Variants in ERICH1 observed in about 807,000 individuals in gnomAD.
ERICH1 encodes glutamate rich 1.
ERICH1 carries 56 observed loss-of-function variants against 39.6 expected under a neutral mutation model. That is an observed-to-expected ratio of 1.41 (90% CI 1.14 to 1.77). The LOEUF (loss-of-function observed/expected upper bound fraction) is 1.77, where lower values mean the gene tolerates loss of function less well. Among genes scored for constraint, ERICH1 ranks in the 40% most tolerant of loss-of-function variants. The pLI, the probability that ERICH1 is intolerant of heterozygous loss-of-function variation, is 0.00. For missense variants in ERICH1, 826 were observed against 575.4 expected, an observed-to-expected ratio of 1.44 and a Z score of -4.45; for synonymous variants, 313 against 223.6, an observed-to-expected ratio of 1.40 and a Z score of -3.57.
At chr8:692,644 G>A in intron 2 of ERICH1, 32 bp from the exon 3 acceptor site, 1 of 1,540,054 alleles carries the variant, frequency 6.5e-7, no homozygotes, top group South Asian at 1.2e-5. Flanking sequence ...ACAGGAACTG[G>A]TAAATATCAC....
intron 2 of ERICH1, among the ~76,000 whole-genome samples, chr8:704,829 T>C (rs1213203622): frequency 2.0e-5 from 3 of 152,126 alleles, no homozygotes; most frequent in African/African-American, 7.2e-5. Flanking sequence ...GGGGGTGGTT[T>C]TACCCAGGAG....
chr8:678,414 A>G (rs940721615), intron 3 of ERICH1, among the ~76,000 whole-genome samples: 1 of 152,220 alleles, frequency 6.6e-6, no homozygotes, highest in African/African-American at 2.4e-5. Context: ...AGAAAAGTAC[A>G]ATTTAGCCAA....
chr8:697,614 G>A (rs1051463153), intron 2 of ERICH1, among the ~76,000 whole-genome samples: 1 of 152,156 alleles, frequency 6.6e-6, no homozygotes, highest in Non-Finnish European at 1.5e-5. Flanking sequence ...GGTCAGGGCA[G>A]GTTCTACCAG....
chr8:720,453 G>C lies in ERICH1; in HGVS notation c.23-4446C>G, dbSNP rs185348149. ...CCAGGAAGAGCATGCAACTACTTAAGAATGCAGGAAAACAGGCTGCTTAAA... is the reference window on the plus strand; with the variant it reads ...CCAGGAAGAGCATGCAACTACTTAACAATGCAGGAAAACAGGCTGCTTAAA... On this transcript the variant is annotated intron_variant, in intron 1 of 5. Transcript: ENST00000262109. Among the ~76,000 whole-genome samples the C allele has an allele frequency of 3.1e-3, 470 of 152,318 alleles. 3 individuals carry two copies. Among genetic ancestry groups the C allele is most frequent in the Non-Finnish European group, 4.9e-3 (330 of 68,028 alleles).
chr8:623,064 C>T (rs545438973), intron 3 of ERICH1, among the ~76,000 whole-genome samples: 1 of 152,254 alleles, frequency 6.6e-6, no homozygotes, highest in African/African-American at 2.4e-5. Flanking sequence ...CACTTCCCAA[C>T]TCATTTTATA....
chr8:728,154 G>C (rs567028593), intron 1 of ERICH1, among the ~76,000 whole-genome samples: 3 of 152,330 alleles, frequency 2.0e-5, no homozygotes, highest in Admixed American at 2.0e-4. Flanking sequence ...CACACATGGA[G>C]TCAGGGAGAG....
At position 658,765 on chromosome 8, in the gene ERICH1, C is replaced by T. The variant is rs370036405; in HGVS notation, c.976+9833G>A. Among the ~76,000 whole-genome samples the T allele has an allele frequency of 1.3e-3, 201 of 152,310 alleles. 1 individual carries two copies. Among genetic ancestry groups the T allele is most frequent in the African/African-American group, 4.0e-3 (166 of 41,566 alleles). ...AGGGAGAAGGTGTCGTCCACAGCCT[C>T]AGGGCAAGGCCTCGATCGGGGACTC... On this transcript the variant is annotated intron_variant, in intron 3 of 3. Transcript: ENST00000522706.
intron 3 of ERICH1, among the ~76,000 whole-genome samples, chr8:678,364 C>T (rs1462385813): frequency 3.3e-5 from 5 of 152,070 alleles, no homozygotes; most frequent in African/African-American, 9.7e-5. Flanking sequence ...CTGCACACAA[C>T]GACATGCAAA....
intron 3 of ERICH1, among the ~76,000 whole-genome samples, chr8:637,762 G>A (rs544129746): frequency 3.3e-5 from 5 of 152,196 alleles, no homozygotes; most frequent in African/African-American, 9.7e-5. Flanking sequence ...CAGAAGCCAC[G>A]GCTGCTCAGT....
chr8:715,980 A>G lies in ERICH1; in HGVS notation c.50T>C (p.Leu17Pro), dbSNP rs748735698. ...TTGGCCACTTGGAACAGGAGGAAAA[A>G]GTCTCTGCAGCACCTTCTCCACAAA... ...HVFVEKVLQR[L>P]FPPVPSGQGK... The change falls in exon 2 of 6, where the codon CTT becomes CCT. Residue 17 changes from leucine (L) to proline (P), a missense_variant. Leu to Pro is a moderately conservative substitution (Grantham distance 98). Coordinates refer to ENST00000262109, the MANE Select transcript of ERICH1 (RefSeq NM_207332.3). 5 of 1,613,006 alleles carry G rather than the reference A, an allele frequency of 3.1e-6. No homozygotes were observed. The highest frequency in any genetic ancestry group is 4.2e-6 in the Non-Finnish European group (5 of 1,179,700).
intron 3 of ERICH1, among the ~76,000 whole-genome samples, chr8:637,960 G>A (rs1798578034): frequency 1.3e-5 from 2 of 152,248 alleles, no homozygotes; most frequent in South Asian, 4.1e-4. Context: ...TTCAACAGAT[G>A]CACCTTTAAC....
intron 1 of ERICH1, 108 bp from the exon 2 acceptor site, chr8:716,115 A>G: frequency 7.5e-7 from 1 of 1,330,084 alleles, no homozygotes; most frequent in East Asian, 2.6e-5. Context: ...TCCTGAAAGC[A>G]CCAACGGAGA....
rs55817321 is a variant in ERICH1 at position 708,691 on chromosome 8, T to TGTTTTTTTTTG, written c.169+7169_169+7170insCAAAAAAAAAC. 2.1e-4 allele frequency among the ~76,000 whole-genome samples: 19 copies of TGTTTTTTTTTG among 89,320 alleles called. 1 individual carries two copies. The highest frequency in any genetic ancestry group is 8.9e-4 in the East Asian group (1 of 1,128). The allele number at this position is 89,320 out of a possible 152,430, so 58.6% of individuals were successfully genotyped here. A position where few individuals can be genotyped will look rare whatever the true frequency, so the allele number is the denominator to read the frequency against. On this transcript the variant is annotated intron_variant, in intron 2 of 5. Transcript: ENST00000262109. ...GTTACGGGATAATGAGTTTTTTTTT[T>TGTTTTTTTTTG]TTTTTTTTTTTTTTTTTTTTGAGAC...
Position 647,945 on chromosome 8 carries a change from C to T in ERICH1, c.976+20653G>A, listed in dbSNP as rs1246301886. Among the ~76,000 whole-genome samples the T allele has an allele frequency of 5.9e-5, 4 of 67,684 alleles. 1 individual carries two copies. The highest frequency in any genetic ancestry group is 1.4e-4 in the Non-Finnish European group (3 of 22,020). The allele number at this position is 67,684 out of a possible 152,430, so 44.4% of individuals were successfully genotyped here. A position where few individuals can be genotyped will look rare whatever the true frequency, so the allele number is the denominator to read the frequency against. On this transcript the variant is annotated intron_variant, in intron 3 of 3. Transcript: ENST00000522706. ...GTGTGCGCCTGCAAGTTAAAACTCA[C>T]TGCATCAGTTACTGAAAGGAGGAGG...
intron 2 of ERICH1, among the ~76,000 whole-genome samples, chr8:706,830 G>C (rs1001314042): frequency 6.6e-6 from 1 of 152,130 alleles, no homozygotes; most frequent in East Asian, 1.9e-4. Context: ...AAAGATGGTT[G>C]AAAGAAATTA....
Position 673,439 on chromosome 8 carries a change from C to A in ERICH1, c.913G>T (p.Asp305Tyr), listed in dbSNP as rs778631358. ...TCTTCCTCCCCAGCCCATGTCGGGT[C>A]TTCCTCGCTGGCGTCCGCACCGTCC... ...EEDGADASEEDPTWAGEEEGA... is the reference protein window; with the variant it reads ...EEDGADASEEYPTWAGEEEGA... Residue 305 changes from aspartate (D) to tyrosine (Y), a missense_variant, in exon 4 of 6, where the codon GAC becomes TAC. By Grantham distance (160) the Asp-to-Tyr change is radical. Transcript: ENST00000262109. 1.9e-6 allele frequency: 3 copies of A among 1,614,074 alleles called. No homozygotes were observed. The highest frequency in any genetic ancestry group is 1.1e-5 in the South Asian group (1 of 91,078).
intron 2 of ERICH1, among the ~76,000 whole-genome samples, chr8:711,500 TC>T (rs1481984429): frequency 1.3e-5 from 2 of 151,382 alleles, no homozygotes; most frequent in African/African-American, 4.9e-5. Flanking sequence ...AGGTGTAAGA[TC>T]TTTTTTTTTT....
intron 3 of ERICH1, among the ~76,000 whole-genome samples, chr8:674,431 T>C (rs868401891): frequency 2.0e-5 from 3 of 151,834 alleles, no homozygotes; most frequent in African/African-American, 7.3e-5. Context: ...GCCTCTCCAG[T>C]AGCTGGGAGT....
At chr8:715,471 G>A (rs1438353318) in intron 2 of ERICH1, among the ~76,000 whole-genome samples, 1 of 152,242 alleles carries the variant, frequency 6.6e-6, no homozygotes, top group Non-Finnish European at 1.5e-5. Flanking sequence ...AACCTCAGAA[G>A]CCTGTCCCTG....
Sources: allele counts gnomAD v4.1 joint callset (sites outside exome capture counted in the v4.1 genomes callset), GRCh38; gene constraint gnomAD v4.1.1; transcripts MANE v1.5; gene names NCBI Gene and HGNC (gene_info 2026-07-23, HGNC 2026-07-21).